Variants in CAV1 observed in about 807,000 individuals in gnomAD.
CAV1 encodes the protein caveolin-1.
CAV1 carries 10 observed loss-of-function variants against 16.5 expected under a neutral mutation model. The ratio of observed to expected loss-of-function variants is 0.61; its 90% CI spans 0.37 to 1.03. The LOEUF is 1.03. CAV1 is among the 50% of genes least tolerant of loss of function. CAV1 has a pLI of 0.01. For synonymous variants in CAV1, 76 were observed against 85.1 expected, an observed-to-expected ratio of 0.89 and a Z score of 0.59; for missense variants, 212 against 232.8, an observed-to-expected ratio of 0.91 and a Z score of 0.58.
At chr7:116,534,265 A>C (rs1793747232) in intron 2 of CAV1, among the ~76,000 whole-genome samples, 1 of 148,142 alleles carries the variant, frequency 6.8e-6, no homozygotes. Flanking sequence ...TTAAAACCCC[A>C]TAGCCTCTTT....
chr7:116,525,610 C>A (rs535081361), intron 1 of CAV1: 156 of 1,146,166 alleles, frequency 1.4e-4, no homozygotes, highest in Admixed American at 9.1e-4. Flanking sequence ...ACTCCTTCTG[C>A]ATCTTGGCGT....
In CAV1 at chr7:116,525,057, G is replaced by A. The variant is rs1233011410; in HGVS notation, c.-6G>A. 1 of 1,614,080 alleles carries A rather than the reference G, an allele frequency of 6.2e-7. No individual in the cohort carries two copies. The highest frequency in any genetic ancestry group is 8.5e-7 in the Non-Finnish European group (1 of 1,180,034). On this transcript the variant is annotated 5_prime_UTR_variant, in exon 1 of 3. Coordinates refer to ENST00000341049, the MANE Select transcript of CAV1 (RefSeq NM_001753.5). The stretch of plus-strand genomic sequence containing the variant: ...CCTCACAGTTTTCATCCAGCCACGG[G>A]CCAGCATGTCTGGGGGCAAATACGT...
intron 2 of CAV1, among the ~76,000 whole-genome samples, chr7:116,543,942 GTT>G (rs1422008334): frequency 6.6e-6 from 1 of 152,156 alleles, no homozygotes; most frequent in African/African-American, 2.4e-5. Context: ...GCTGTAAAGA[GTT>G]TGTTTCTCTC....
chr7:116,544,826 T>C (rs1208433702), intron 2 of CAV1, among the ~76,000 whole-genome samples: 2 of 152,178 alleles, frequency 1.3e-5, no homozygotes, highest in Non-Finnish European at 2.9e-5. Context: ...AAATCACCCT[T>C]CCTTGGTAAT....
intron 2 of CAV1, chr7:116,542,987 C>T (rs944299293): frequency 6.6e-6 from 1 of 152,086 alleles, no homozygotes; most frequent in African/African-American, 2.4e-5. Flanking sequence ...AGAAAAGAGA[C>T]CTTAGGTTAC....
chr7:116,545,243 G>A (rs1005008357), intron 2 of CAV1, among the ~76,000 whole-genome samples: 4 of 152,264 alleles, frequency 2.6e-5, no homozygotes, highest in Middle Eastern at 3.4e-3. Context: ...GTAGAGAAGC[G>A]GGGATGCTTA....
At chr7:116,525,568 G>A (rs949759362) in intron 1 of CAV1, 1 of 1,207,058 alleles carries the variant, frequency 8.3e-7, no homozygotes. Context: ...CGGTGTGTTT[G>A]CACTTTCCAA....
rs1794021191 is a variant in CAV1, at chr7:116,545,389, A to G, written c.196-13557A>G. Reference sequence around the variant, plus strand: ...TTGGGGACTGCGTCTTGACAGCCACATTATACAGTGTATCAAACAATTCTG... The same window carrying G: ...TTGGGGACTGCGTCTTGACAGCCACGTTATACAGTGTATCAAACAATTCTG... On this transcript the variant is annotated intron_variant, in intron 2 of 2. Transcript: ENST00000341049. 2.0e-5 allele frequency among the ~76,000 whole-genome samples: 3 copies of G among 152,230 alleles called. No individual in the cohort carries two copies. The South Asian group carries it at 6.2e-4, about 32-fold the overall frequency.
chr7:116,558,415 T>C (rs1253028007), intron 2 of CAV1, among the ~76,000 whole-genome samples: 1 of 152,096 alleles, frequency 6.6e-6, no homozygotes, highest in Non-Finnish European at 1.5e-5. Flanking sequence ...TATCCTGGGT[T>C]CCACCCTTGA....
chr7:116,526,423 C>T (rs1793560526), intron 1 of CAV1, 102 bp from the exon 2 acceptor site: 2 of 1,583,146 alleles, frequency 1.3e-6, no homozygotes, highest in Non-Finnish European at 1.7e-6. Context: ...TTTCCCCCGC[C>T]GCCAGGCTGA....
intron 2 of CAV1, among the ~76,000 whole-genome samples, chr7:116,558,583 TA>T (rs35500345): frequency 0.016 from 2,157 of 132,094 alleles, 14 homozygotes; most frequent in African/African-American, 0.034. Context: ...CTCCATCTCT[TA>T]AAAAAAAAAA....
intron 2 of CAV1, 81 bp downstream of exon 2, chr7:116,526,770 C>A: frequency 6.7e-7 from 1 of 1,488,832 alleles, no homozygotes; most frequent in Non-Finnish European, 9.3e-7. Context: ...TTAGCATTGC[C>A]GTGTACGCAC....
chr7:116,528,115 G>A (rs1291185614), intron 2 of CAV1, among the ~76,000 whole-genome samples: 4 of 133,328 alleles, frequency 3.0e-5, no homozygotes, highest in African/African-American at 1.1e-4. Flanking sequence ...TGAACAAGAA[G>A]GAGAGTTGCC....
chr7:116,547,523 C>T, intron 2 of CAV1, among the ~76,000 whole-genome samples: 1 of 152,184 alleles, frequency 6.6e-6, no homozygotes, highest in East Asian at 1.9e-4. Flanking sequence ...GGCATCATCT[C>T]CCTGGGGTAC....
rs1562837982 is a variant in CAV1, at chr7:116,555,497, AAAG to A, written c.196-3446_196-3444del. Among the ~76,000 whole-genome samples, 177 of 22,270 alleles carry A rather than the reference AAAG, an allele frequency of 7.9e-3. 22 individuals are homozygous for A. Among genetic ancestry groups the A allele is most frequent in the African/African-American group, 0.025 (130 of 5,242 alleles). The allele number at this position is 22,270 out of a possible 152,430, so 14.6% of individuals were successfully genotyped here. A position where few individuals can be genotyped will look rare whatever the true frequency, so the allele number is the denominator to read the frequency against. Reference sequence around the variant, plus strand: ...GAAGGAGGAAAGAAAAGAAAGAAAGAAAGAAAGAAAGAAAGAAAGAAAGAGAGA... The same window carrying A: ...GAAGGAGGAAAGAAAAGAAAGAAAGAAAAGAAAGAAAGAAAGAAAGAGAGA... On this transcript the variant is annotated intron_variant, in intron 2 of 2. Coordinates refer to ENST00000341049, the MANE Select transcript of CAV1 (RefSeq NM_001753.5).
intron 2 of CAV1, among the ~76,000 whole-genome samples, chr7:116,539,492 T>G (rs1793894069): frequency 2.6e-5 from 4 of 152,208 alleles, no homozygotes; most frequent in Non-Finnish European, 5.9e-5. Flanking sequence ...TTATTGAGTG[T>G]CTTTCTTCCT....
At chr7:116,557,819 C>T (rs1363290841) in intron 2 of CAV1, among the ~76,000 whole-genome samples, 2 of 152,110 alleles carry the variant, frequency 1.3e-5, no homozygotes, top group Non-Finnish European at 2.9e-5. Context: ...TCCCAGTGTG[C>T]ATACGGTTGT....
intron 2 of CAV1, among the ~76,000 whole-genome samples, chr7:116,552,233 A>T (rs1464315405): frequency 6.6e-6 from 1 of 152,166 alleles, no homozygotes; most frequent in Non-Finnish European, 1.5e-5. Context: ...AAAAGAATAT[A>T]TTAATTTGTT....
At chr7:116,538,564 A>T (rs1793872285) in intron 2 of CAV1, among the ~76,000 whole-genome samples, 1 of 152,198 alleles carries the variant, frequency 6.6e-6, no homozygotes, top group Non-Finnish European at 1.5e-5. Context: ...TTTTAGTAGG[A>T]AGAGAAATTG....
Sources: gnomAD v4.1 joint callset for allele counts (sites outside exome capture counted in the v4.1 genomes callset) on GRCh38, gnomAD v4.1.1 for gene constraint, MANE v1.5 for transcripts, NCBI Gene and HGNC (gene_info 2026-07-23, HGNC 2026-07-21) for gene names.